The following FNIP1 variants were observed in gnomAD, a reference collection of about 807,000 sequenced individuals.
FNIP1 encodes the protein folliculin interacting protein 1.
A neutral mutation model predicts 124.5 loss-of-function variants in FNIP1; 40 were observed. That is an observed-to-expected ratio of 0.32 (90% CI 0.25 to 0.42). The LOEUF is 0.42. Among genes scored for constraint, FNIP1 ranks in the 10% least tolerant of loss-of-function variants. FNIP1 has a pLI of 1.00. For missense variants in FNIP1, 1,176 were observed against 1,403.7 expected, an observed-to-expected ratio of 0.84 and a Z score of 2.59; for synonymous variants, 472 against 470.6, an observed-to-expected ratio of 1.00 and a Z score of -0.04.
In FNIP1 at chr5:131,672,758, G is replaced by T. The variant is rs142391857; in HGVS notation, c.1686C>A (p.Ile562=). 7.5e-4 allele frequency: 1,215 copies of T among 1,613,360 alleles called. No homozygotes were observed. Among genetic ancestry groups the T allele is most frequent in the Non-Finnish European group, 1.0e-3 (1,183 of 1,179,830 alleles). ...TAGTAATTACTGTGCCTGGCATAAC[G>T]ATGGCTTCATCTTCTCCATTTTCTA... The part of the protein sequence containing the change: ...HLLENGEDEA[I]VMPGTVITTT... Residue 562 remains isoleucine (I), a synonymous_variant, in exon 14 of 18, where the codon ATC becomes ATA. Transcript: ENST00000510461.
At chr5:131,742,191 A>G (rs1770533830) in intron 2 of FNIP1, among the ~76,000 whole-genome samples, 1 of 152,212 alleles carries the variant, frequency 6.6e-6, no homozygotes, top group African/African-American at 2.4e-5. Flanking sequence ...AGGCCAGGCA[A>G]AGTGGCTCCC....
chr5:131,778,388 T>A (rs982472686), intron 1 of FNIP1, among the ~76,000 whole-genome samples: 2 of 151,676 alleles, frequency 1.3e-5, no homozygotes, highest in Non-Finnish European at 2.9e-5. Flanking sequence ...AAAAAACACA[T>A]GAAAAAATGC....
intron 1 of FNIP1, among the ~76,000 whole-genome samples, chr5:131,778,279 T>G (rs1237332166): frequency 6.6e-6 from 1 of 152,068 alleles, no homozygotes; most frequent in Non-Finnish European, 1.5e-5. Flanking sequence ...CTGAATCTAA[T>G]CAAGCCTCTA....
At chr5:131,757,410 G>A (rs1037466247) in intron 1 of FNIP1, among the ~76,000 whole-genome samples, 5 of 152,164 alleles carry the variant, frequency 3.3e-5, no homozygotes, top group African/African-American at 1.2e-4. Context: ...ATGAACAGTG[G>A]GCAACCATCT....
intron 16 of FNIP1, among the ~76,000 whole-genome samples, chr5:131,649,625 T>C (rs1253919415): frequency 6.6e-6 from 1 of 152,204 alleles, no homozygotes; most frequent in Non-Finnish European, 1.5e-5. Flanking sequence ...TGTTGATAGC[T>C]AATAAACAAA....
intron 12 of FNIP1, 91 bp downstream of exon 12, chr5:131,678,938 A>G: frequency 2.3e-6 from 2 of 872,766 alleles, no homozygotes; most frequent in South Asian, 2.1e-5. Flanking sequence ...AATAATATAA[A>G]ATAATTCCAA....
intron 1 of FNIP1, among the ~76,000 whole-genome samples, chr5:131,787,278 G>A (rs1427424360): frequency 1.3e-5 from 2 of 152,216 alleles, no homozygotes; most frequent in Non-Finnish European, 2.9e-5. Context: ...AGAGTGGTAT[G>A]AGATAACAGA....
intron 6 of FNIP1, among the ~76,000 whole-genome samples, chr5:131,716,028 T>C (rs1314982152): frequency 1.3e-5 from 2 of 152,196 alleles, no homozygotes; most frequent in Admixed American, 1.3e-4. Context: ...AGAAAGTCTG[T>C]CACTTTAAAA....
intron 6 of FNIP1, among the ~76,000 whole-genome samples, chr5:131,713,824 C>A (rs777668218): frequency 6.6e-6 from 1 of 152,196 alleles, no homozygotes; most frequent in African/African-American, 2.4e-5. Context: ...ACAACTATCC[C>A]CACTGACACT....
At chr5:131,784,572 G>A (rs1203316560) in intron 1 of FNIP1, among the ~76,000 whole-genome samples, 1 of 152,054 alleles carries the variant, frequency 6.6e-6, no homozygotes, top group African/African-American at 2.4e-5. Context: ...TGTAATTTCA[G>A]CACTTTGGGA....
intron 16 of FNIP1, among the ~76,000 whole-genome samples, chr5:131,651,086 TA>T (rs558940497): frequency 0.084 from 12,166 of 144,886 alleles, 910 homozygotes; most frequent in African/African-American, 0.21. Context: ...CTGGATGGAT[TA>T]AAAAAAAAAA....
intron 17 of FNIP1, 27 bp from the exon 18 acceptor site, chr5:131,644,790 G>T: frequency 6.2e-7 from 1 of 1,609,494 alleles, no homozygotes; most frequent in Non-Finnish European, 8.5e-7. Flanking sequence ...AAAAATGTCA[G>T]TTTTGATTTT....
intron 6 of FNIP1, among the ~76,000 whole-genome samples, chr5:131,714,744 G>A (rs967161368): frequency 1.3e-5 from 2 of 152,294 alleles, no homozygotes; most frequent in Admixed American, 1.3e-4. Context: ...AGCCTTCATT[G>A]ACTCTCCAGG....
At chr5:131,733,130 T>A (rs924944928) in intron 2 of FNIP1, among the ~76,000 whole-genome samples, 8 of 152,138 alleles carry the variant, frequency 5.3e-5, no homozygotes, top group African/African-American at 1.9e-4. Context: ...GCTCTCTGTT[T>A]GTCTGTTATT....
At chr5:131,714,072 T>C (rs979438659) in intron 6 of FNIP1, among the ~76,000 whole-genome samples, 2 of 152,232 alleles carry the variant, frequency 1.3e-5, no homozygotes, top group Non-Finnish European at 2.9e-5. Flanking sequence ...CCTGCTGAAA[T>C]CTATTGCCAC....
chr5:131,707,174 G>A (rs972074167), intron 8 of FNIP1, among the ~76,000 whole-genome samples: 12 of 152,236 alleles, frequency 7.9e-5, no homozygotes, highest in African/African-American at 2.2e-4. Context: ...TTCCCTTCCC[G>A]AAACACTTCT....
At chr5:131,657,480 G>T (rs1465949670) in intron 15 of FNIP1, among the ~76,000 whole-genome samples, 1 of 152,044 alleles carries the variant, frequency 6.6e-6, no homozygotes, top group Non-Finnish European at 1.5e-5. Context: ...AGATCAGGGT[G>T]CCATAAGGAC....
At chr5:131,693,335 T>TATATATATATATATACATATATATATAC (rs1768567232) in intron 11 of FNIP1, among the ~76,000 whole-genome samples, 1 of 97,990 alleles carries the variant, frequency 1.0e-5, no homozygotes, top group African/African-American at 5.4e-5. Context: ...TATATATACA[T>TATATATATATATATACATATATATATAC]ATATATATAT....
chr5:131,660,381 C>T (rs1050040396), intron 15 of FNIP1, among the ~76,000 whole-genome samples: 2 of 152,150 alleles, frequency 1.3e-5, no homozygotes, highest in Admixed American at 6.5e-5. Context: ...CTATTGTGCA[C>T]TGGCATTTTG....
Sources: gnomAD v4.1 joint callset for allele counts (sites outside exome capture counted in the v4.1 genomes callset) on GRCh38, gnomAD v4.1.1 for gene constraint, MANE v1.5 for transcripts, NCBI Gene and HGNC (gene_info 2026-07-23, HGNC 2026-07-21) for gene names.